Variants in ADAMTS10 observed in about 807,000 individuals in gnomAD.
ADAMTS10 encodes A disintegrin and metalloproteinase with thrombospondin motifs 10.
ADAMTS10 carries 48 observed loss-of-function variants against 135.9 expected under a neutral mutation model. That is an observed-to-expected ratio of 0.35 (90% CI 0.28 to 0.45). ADAMTS10 has a LOEUF of 0.45. Among genes scored for constraint, ADAMTS10 ranks in the 20% least tolerant of loss-of-function variants. The pLI is 1.00. For missense variants in ADAMTS10, 1,131 were observed against 1,565.2 expected (o/e 0.72, Z 4.68); for synonymous variants, 621 against 647.5 (o/e 0.96, Z 0.62).
At position 8,605,736 on chromosome 19, in the gene ADAMTS10, C is replaced by A. The variant is rs1555742513; in HGVS notation, c.-26G>T. 1 of 1,588,282 alleles carries A rather than the reference C, an allele frequency of 6.3e-7. No individual in the cohort carries two copies. The highest frequency in any genetic ancestry group is 1.8e-5 in the Admixed American group (1 of 56,676). ...AGAGGCCACGTGTCCACATGTCTCTCCCCAGCCCCGGCTGCCGGCAGCCCC... is the reference window on the plus strand; with the variant it reads ...AGAGGCCACGTGTCCACATGTCTCTACCCAGCCCCGGCTGCCGGCAGCCCC... On this transcript the variant is annotated 5_prime_UTR_variant, in exon 3 of 26. Transcript: ENST00000597188. The surrounding 1 kb of genome is among the most constrained non-coding windows in gnomAD (Gnocchi z 7.7).
At chr19:8,591,263 G>A (rs1040117673) in intron 15 of ADAMTS10, among the ~76,000 whole-genome samples, 17 of 151,890 alleles carry the variant, frequency 1.1e-4, no homozygotes, top group Admixed American at 2.0e-4. Context: ...TTTCAAGGTG[G>A]GGGCTTGTAG....
intron 6 of ADAMTS10, 106 bp from the exon 7 acceptor site, chr19:8,597,423 G>A (rs2042618271): frequency 2.0e-6 from 2 of 1,013,912 alleles, no homozygotes; most frequent in South Asian, 1.4e-5. Flanking sequence ...CACCTACTGT[G>A]TGTCGGGTCT....
Position 8,585,073 on chromosome 19 carries a change from C to A in ADAMTS10, c.3043-19G>T. On this transcript the variant is annotated intron_variant, in intron 24 of 25. Coordinates refer to ENST00000597188, the MANE Select transcript of ADAMTS10 (RefSeq NM_030957.4). ...CAGAGCACTGCGAGGGGGCACCACT[C>A]AGTTGCTGCCCCGCAGCCCCTGCCC... The A allele has an allele frequency of 6.6e-7, 1 of 1,510,588 alleles. No homozygotes were observed. Among genetic ancestry groups the A allele is most frequent in the Non-Finnish European group, 8.8e-7 (1 of 1,132,020 alleles). 93.6% of individuals were successfully genotyped at this position (1,510,588 alleles called of 1,614,324 possible).
Position 8,596,758 on chromosome 19 carries a change from T to C in ADAMTS10, c.1041-173A>G, listed in dbSNP as rs1555740350. On this transcript the variant is annotated intron_variant, in intron 8 of 25. Transcript: ENST00000597188. This position sits in a 1 kb window ranked among gnomAD's most constrained non-coding sequence, Gnocchi z 7.2. ...ATGAATGAATGAATGCATGCATGCATGCATGAGTGGGAGAATAAGTGAATG... is the reference window on the plus strand; with the variant it reads ...ATGAATGAATGAATGCATGCATGCACGCATGAGTGGGAGAATAAGTGAATG... Among the ~76,000 whole-genome samples, 1 of 152,090 alleles carries C rather than the reference T, an allele frequency of 6.6e-6. No individual in the cohort carries two copies. Among genetic ancestry groups the C allele is most frequent in the Non-Finnish European group, 1.5e-5 (1 of 68,008 alleles).
At chr19:8,584,519 T>A (rs984094174) in intron 25 of ADAMTS10, among the ~76,000 whole-genome samples, 6 of 152,012 alleles carry the variant, frequency 3.9e-5, no homozygotes, top group Non-Finnish European at 5.9e-5. Flanking sequence ...AACCCTACAA[T>A]GTGCTGGACA....
At chr19:8,595,996 G>C in intron 11 of ADAMTS10, 77 bp downstream of exon 11, 3 of 1,613,846 alleles carry the variant, frequency 1.9e-6, no homozygotes, top group Middle Eastern at 1.7e-4. Flanking sequence ...GAGCATCCCT[G>C]ATTTCTATCG....
At position 8,580,570 on chromosome 19, in the gene ADAMTS10, AG is replaced by A. The variant is rs150352175; in HGVS notation, c.*322del. 139 of 330,118 alleles carry A rather than the reference AG, an allele frequency of 4.2e-4. No homozygotes were observed. Among genetic ancestry groups the A allele is most frequent in the African/African-American group, 2.8e-3 (127 of 45,606 alleles). The allele number at this position is 330,118 out of a possible 1,614,324, so 20.4% of individuals were successfully genotyped here. ...TCACAGTACATATTCCGATCAAAGG[AG>A]GGGGGGAGTGTTGGGGACTCCCTAA... On this transcript the variant is annotated 3_prime_UTR_variant, in exon 26 of 26. Transcript: ENST00000597188.
At chr19:8,593,882 G>C (rs1472840413) in intron 12 of ADAMTS10, among the ~76,000 whole-genome samples, 4 of 152,134 alleles carry the variant, frequency 2.6e-5, no homozygotes, top group African/African-American at 4.8e-5. Flanking sequence ...TCCAGATGTG[G>C]GACTGGATCG....
chr19:8,587,011 T>A, intron 18 of ADAMTS10, 115 bp from the exon 19 acceptor site: 2 of 1,081,326 alleles, frequency 1.8e-6, no homozygotes, highest in South Asian at 1.3e-5. Flanking sequence ...AACACACATC[T>A]AACTGCACCC....
In ADAMTS10 at chr19:8,604,480, A is replaced by T. The variant is rs919550383; in HGVS notation, c.435+532T>A. ...ATTATATATATTTATAAATATAAAA[A>T]ATATATATATATATTTAAAGAGTCA... On this transcript the variant is annotated intron_variant, in intron 4 of 25. Coordinates refer to ENST00000597188, the MANE Select transcript of ADAMTS10 (RefSeq NM_030957.4). 1.8e-4 allele frequency among the ~76,000 whole-genome samples: 27 copies of T among 147,442 alleles called. No homozygotes were observed. The East Asian group carries it at 2.3e-3, about 13-fold the overall frequency.
rs185805484 is a variant in ADAMTS10, at chr19:8,599,029, C to G, written c.811-1712G>C. ...TTTTGCTTCAGTGAAACAAGAGCACCATTCATCAAGCCCTTACTATGTGCC... is the reference window on the plus strand; with the variant it reads ...TTTTGCTTCAGTGAAACAAGAGCACGATTCATCAAGCCCTTACTATGTGCC... On this transcript the variant is annotated intron_variant, in intron 6 of 25. Transcript: ENST00000597188. Among the ~76,000 whole-genome samples the G allele has an allele frequency of 4.6e-5, 7 of 152,204 alleles. No homozygotes were observed. The East Asian group carries it at 1.4e-3, about 29-fold the overall frequency.
Position 8,591,878 on chromosome 19 carries a change from G to A in ADAMTS10, c.1734-15C>T. The A allele has an allele frequency of 1.2e-6, 2 of 1,613,222 alleles. No individual in the cohort carries two copies. The highest frequency in any genetic ancestry group is 1.3e-5 in the African/African-American group (1 of 75,068). Reference sequence around the variant, plus strand: ...CGATGGTTGGCCTGGAAAGGGTGGTGGGATAGGAGAGGGATGAGGCAGTGG... The same window carrying A: ...CGATGGTTGGCCTGGAAAGGGTGGTAGGATAGGAGAGGGATGAGGCAGTGG... On this transcript the variant is annotated splice_polypyrimidine_tract_variant and intron_variant, in intron 14 of 25. Transcript: ENST00000597188.
chr19:8,592,507 A>G (rs1230586860), intron 13 of ADAMTS10, among the ~76,000 whole-genome samples: 2 of 151,206 alleles, frequency 1.3e-5, no homozygotes, highest in Non-Finnish European at 3.0e-5. Flanking sequence ...GAATCATTAC[A>G]CGGTGGGCGT....
At position 8,587,651 on chromosome 19, in the gene ADAMTS10, A is replaced by T. The variant is rs993470766; in HGVS notation, c.2159-755T>A. ...ACCCGCCTAATTAAAAGAATTTTGT[A>T]GCCGGGCACAGTGGTCACGCCTATA... On this transcript the variant is annotated intron_variant, in intron 18 of 25. Coordinates refer to ENST00000597188, the MANE Select transcript of ADAMTS10 (RefSeq NM_030957.4). Among the ~76,000 whole-genome samples, 5 of 151,984 alleles carry T rather than the reference A, an allele frequency of 3.3e-5. No individual in the cohort carries two copies. In the East Asian group the frequency reaches 9.7e-4, roughly 30 times the overall value.
In ADAMTS10 at chr19:8,595,541, G is replaced by C. The variant is rs550945730; in HGVS notation, c.1479+221C>G. 1.8e-4 allele frequency: 120 copies of C among 657,928 alleles called. No individual in the cohort carries two copies. The African/African-American group carries it at 1.9e-3, about 10-fold the overall frequency. The allele number at this position is 657,928 out of a possible 1,614,324, so 40.8% of individuals were successfully genotyped here. A position where few individuals can be genotyped will look rare whatever the true frequency, so the allele number is the denominator to read the frequency against. ...CTCAAATCAGGGGTCTGGAGAAGCA[G>C]GTGATCCCATTTTTGTTCCCAAGCA... On this transcript the variant is annotated intron_variant, in intron 12 of 25. Transcript: ENST00000597188.
rs1555735624 is a variant in ADAMTS10, at chr19:8,580,878, G to C, written c.*15C>G. Reference sequence around the variant, plus strand: ...GGAGACCCCGCCAGCTGTGGCTCCGGGTGCCGCGCGCCCCCTAGTGGCCAT... The same window carrying C: ...GGAGACCCCGCCAGCTGTGGCTCCGCGTGCCGCGCGCCCCCTAGTGGCCAT... On this transcript the variant is annotated 3_prime_UTR_variant, in exon 26 of 26. Transcript: ENST00000597188. The C allele has an allele frequency of 6.3e-7, 1 of 1,586,078 alleles. No homozygotes were observed. The highest frequency in any genetic ancestry group is 1.3e-5 in the African/African-American group (1 of 74,104).
intron 12 of ADAMTS10, among the ~76,000 whole-genome samples, chr19:8,594,507 C>T (rs1201551225): frequency 1.3e-5 from 2 of 152,194 alleles, no homozygotes; most frequent in Non-Finnish European, 2.9e-5. Flanking sequence ...AGGCTCAATT[C>T]AACATATAGC....
chr19:8,605,407 C>T lies in ADAMTS10; in HGVS notation c.89-49G>A. On this transcript the variant is annotated intron_variant, in intron 3 of 25. Coordinates refer to ENST00000597188, the MANE Select transcript of ADAMTS10 (RefSeq NM_030957.4). This position sits in a 1 kb window ranked among gnomAD's most constrained non-coding sequence, Gnocchi z 7.7. ...GGGGTGGGCCCTGGTCTTATTGGAC[C>T]CCTGTGTCCTGGCTGTTAGGCTGCT... is the stretch of plus-strand genomic sequence containing the variant. The T allele has an allele frequency of 2.6e-6, 4 of 1,534,348 alleles. No individual in the cohort carries two copies. In the South Asian group the frequency reaches 3.6e-5, roughly 14 times the overall value.
At chr19:8,589,401 A>AAAC in intron 17 of ADAMTS10, 36 bp from the exon 18 acceptor site, 2 of 1,599,436 alleles carry the variant, frequency 1.3e-6, no homozygotes, top group Non-Finnish European at 1.7e-6. Context: ...CGACCCCCTA[A>AAAC]CCCACCCCCG....
Sources: gnomAD v4.1 joint callset for allele counts (sites outside exome capture counted in the v4.1 genomes callset) on GRCh38, gnomAD v4.1.1 for gene constraint, Gnocchi (gnomAD v3.1) non-coding constraint, MANE v1.5 for transcripts, NCBI Gene and HGNC (gene_info 2026-07-23, HGNC 2026-07-21) for gene names.